Variants in NELL1 observed in about 807,000 individuals in gnomAD.
The protein encoded by NELL1 is protein kinase C-binding protein NELL1.
NELL1 carries 76 observed loss-of-function variants against 107.4 expected under a neutral mutation model. That is an observed-to-expected ratio of 0.71 (90% CI 0.59 to 0.86). NELL1 has a LOEUF of 0.86. Ranked by LOEUF, NELL1 falls within the 40% of genes least tolerant of loss-of-function variation. The pLI, the probability that NELL1 is intolerant of heterozygous loss-of-function variation, is 0.00. For synonymous variants in NELL1, 353 were observed against 341.2 expected, an observed-to-expected ratio of 1.03 and a Z score of -0.38; for missense variants, 1,024 against 1,005.5, an observed-to-expected ratio of 1.02 and a Z score of -0.25.
chr11:21,331,711 G>C (rs1850277315), intron 14 of NELL1, among the ~76,000 whole-genome samples: 1 of 152,016 alleles, frequency 6.6e-6, no homozygotes, highest in Admixed American at 6.6e-5. Flanking sequence ...AGTTTTTTGA[G>C]GCCAGGCTTT....
At chr11:20,684,219 C>T (rs953740247) in intron 2 of NELL1, among the ~76,000 whole-genome samples, 1 of 151,420 alleles carries the variant, frequency 6.6e-6, no homozygotes, top group African/African-American at 2.4e-5. Context: ...CCAGCCTGGG[C>T]AACATAGTGA....
intron 15 of NELL1, among the ~76,000 whole-genome samples, chr11:21,415,145 G>T (rs1471742823): frequency 6.6e-6 from 1 of 152,104 alleles, no homozygotes; most frequent in Non-Finnish European, 1.5e-5. Flanking sequence ...AGCTGAACTT[G>T]TCTGAGAAAC....
chr11:21,455,249 C>A (rs1853695999), intron 15 of NELL1, among the ~76,000 whole-genome samples: 1 of 147,910 alleles, frequency 6.8e-6, no homozygotes, highest in African/African-American at 2.5e-5. Context: ...ATATCATAGT[C>A]ATTTGATCAC....
chr11:21,453,753 C>A (rs1391376307), intron 15 of NELL1, among the ~76,000 whole-genome samples: 1 of 150,388 alleles, frequency 6.6e-6, no homozygotes, highest in Non-Finnish European at 1.5e-5. Flanking sequence ...TTTTATGATT[C>A]CATTTTATCT....
At chr11:21,193,257 A>G (rs181774117) in intron 13 of NELL1, among the ~76,000 whole-genome samples, 1 of 151,948 alleles carries the variant, frequency 6.6e-6, no homozygotes, top group East Asian at 1.9e-4. Flanking sequence ...AGGTTGGAAT[A>G]GGACAGAAAA....
chr11:21,357,737 G>C (rs1421409083), intron 14 of NELL1, among the ~76,000 whole-genome samples: 3 of 152,100 alleles, frequency 2.0e-5, no homozygotes, highest in Non-Finnish European at 4.4e-5. Context: ...ACAACTAGAA[G>C]AGTTTTACTG....
At chr11:20,689,222 T>C (rs1176618948) in intron 2 of NELL1, among the ~76,000 whole-genome samples, 1 of 152,056 alleles carries the variant, frequency 6.6e-6, no homozygotes, top group Non-Finnish European at 1.5e-5. Context: ...TCATTGTGTA[T>C]GCTGCCTGTT....
intron 13 of NELL1, among the ~76,000 whole-genome samples, chr11:21,154,888 T>A (rs996301343): frequency 6.6e-6 from 1 of 152,148 alleles, no homozygotes; most frequent in Non-Finnish European, 1.5e-5. Flanking sequence ...ATAATACGAG[T>A]TAACATAGGC....
Position 21,570,762 on chromosome 11 carries a change from A to G in NELL1, c.1981-2A>G, listed in dbSNP as rs778823189. ...AACCTCCTTAACTTCATTTCTAAAC[A>G]GGATGGCAAGATATTCTGCCGACGG... On this transcript the variant is annotated splice_acceptor_variant, in intron 17 of 19. Transcript: ENST00000357134. LOFTEE classifies it high-confidence loss of function. 1 of 1,610,780 alleles carries G rather than the reference A, an allele frequency of 6.2e-7. No homozygotes were observed. The highest frequency in any genetic ancestry group is 1.1e-5 in the South Asian group (1 of 90,902).
chr11:21,560,284 C>T lies in NELL1; in HGVS notation c.1882C>T (p.Pro628Ser). 4 of 1,613,498 alleles carry T rather than the reference C, an allele frequency of 2.5e-6. No homozygotes were observed. The highest frequency in any genetic ancestry group is 2.5e-6 in the Non-Finnish European group (3 of 1,179,682). Reference sequence around the variant, plus strand: ...CTTTGACTGTCTCTGCCCCTCTGGGCCCTCCTGCTCTGGTGACTGTCCTCA... The same window carrying T: ...CTTTGACTGTCTCTGCCCCTCTGGGTCCTCCTGCTCTGGTGACTGTCCTCA... ...GGFDCLCPSG[P>S]SCSGDCPHEG... The change falls in exon 17 of 20, where the codon CCC becomes TCC. Residue 628 changes from proline (P) to serine (S), a missense_variant. Coordinates refer to ENST00000357134, the MANE Select transcript of NELL1 (RefSeq NM_006157.5).
At chr11:21,288,520 T>C (rs1204837042) in intron 14 of NELL1, among the ~76,000 whole-genome samples, 1 of 152,212 alleles carries the variant, frequency 6.6e-6, no homozygotes, top group Non-Finnish European at 1.5e-5. Context: ...ACTCAGTCAT[T>C]CAGATTTAAT....
intron 13 of NELL1, among the ~76,000 whole-genome samples, chr11:21,126,210 T>C (rs1285260759): frequency 6.6e-5 from 10 of 152,076 alleles, no homozygotes; most frequent in Non-Finnish European, 1.2e-4. Flanking sequence ...GAAGCTCAAA[T>C]ATAACCTCCA....
intron 14 of NELL1, among the ~76,000 whole-genome samples, chr11:21,287,850 TC>T (rs1272311499): frequency 6.6e-6 from 1 of 151,966 alleles, no homozygotes; most frequent in African/African-American, 2.4e-5. Flanking sequence ...ACATGTTTTA[TC>T]CCCACCATCC....
At chr11:21,422,771 G>T (rs996375295) in intron 15 of NELL1, among the ~76,000 whole-genome samples, 1 of 149,408 alleles carries the variant, frequency 6.7e-6, no homozygotes, top group African/African-American at 2.5e-5. Flanking sequence ...AGAATATCAG[G>T]GACAAAAAAA....
chr11:20,921,799 T>C (rs1462676013), intron 7 of NELL1, among the ~76,000 whole-genome samples: 1 of 105,560 alleles, frequency 9.5e-6, no homozygotes, highest in Non-Finnish European at 1.7e-5. Flanking sequence ...ATTGTGTGTG[T>C]TTTTTTTTTT....
chr11:21,067,612 C>T (rs1309883787), intron 12 of NELL1, among the ~76,000 whole-genome samples: 1 of 152,144 alleles, frequency 6.6e-6, no homozygotes, highest in Non-Finnish European at 1.5e-5. Context: ...ACGAAGGAGT[C>T]TGAAAACTAA....
intron 14 of NELL1, among the ~76,000 whole-genome samples, chr11:21,336,700 A>G (rs1311506372): frequency 1.9e-5 from 2 of 104,582 alleles, no homozygotes; most frequent in Non-Finnish European, 4.1e-5. Flanking sequence ...CATTAAACAG[A>G]AATCAGAATG....
At chr11:21,274,022 A>C (rs1413600271) in intron 14 of NELL1, among the ~76,000 whole-genome samples, 1 of 152,228 alleles carries the variant, frequency 6.6e-6, no homozygotes, top group Non-Finnish European at 1.5e-5. Flanking sequence ...AGCTAACATC[A>C]TAATGACAGG....
intron 2 of NELL1, among the ~76,000 whole-genome samples, chr11:20,680,144 C>A (rs1428437827): frequency 6.6e-6 from 1 of 152,032 alleles, no homozygotes; most frequent in Non-Finnish European, 1.5e-5. Context: ...GATAATCTCC[C>A]CCATCTCAAT....
Sources: gnomAD v4.1 joint callset for allele counts (sites outside exome capture counted in the v4.1 genomes callset) on GRCh38, gnomAD v4.1.1 for gene constraint, MANE v1.5 for transcripts, NCBI Gene and HGNC (gene_info 2026-07-23, HGNC 2026-07-21) for gene names.